Variants in SPECC1 observed in about 807,000 individuals in gnomAD.
The protein encoded by SPECC1 is cytospin-B.
Under a neutral mutation model 104.1 loss-of-function variants are expected in SPECC1, and 62 were observed. The ratio of observed to expected loss-of-function variants is 0.60; its 90% CI spans 0.49 to 0.74. SPECC1 has a LOEUF of 0.74. Among genes scored for constraint, SPECC1 ranks in the 30% least tolerant of loss-of-function variants. SPECC1 has a pLI of 0.00. For missense variants in SPECC1, 1,306 were observed against 1,310.5 expected, an observed-to-expected ratio of 1.00 and a Z score of 0.05; for synonymous variants, 513 against 501.6, an observed-to-expected ratio of 1.02 and a Z score of -0.30.
chr17:20,318,575 C>T lies in SPECC1; in HGVS notation c.*4510C>T, dbSNP rs562648212. 32 of 229,406 alleles carry T rather than the reference C, an allele frequency of 1.4e-4. No homozygotes were observed. Among genetic ancestry groups the T allele is most frequent in the Non-Finnish European group, 2.4e-4 (28 of 115,750 alleles). 14.2% of individuals were successfully genotyped at this position (229,406 alleles called of 1,614,324 possible). ...CCTCCTCTTCCCCACTGAGGGGCAG[C>T]TTGTGGAGATGGAGGACTCGGGCCC... On this transcript the variant is annotated 3_prime_UTR_variant, in exon 15 of 15. Transcript: ENST00000395527.
chr17:20,021,548 G>T (rs2044374028), intron 1 of SPECC1, among the ~76,000 whole-genome samples: 2 of 151,736 alleles, frequency 1.3e-5, no homozygotes, highest in Admixed American at 1.3e-4. Flanking sequence ...GAGTAGGACT[G>T]CCTGGTCGTG....
At chr17:20,175,310 G>A (rs947491187) in intron 3 of SPECC1, among the ~76,000 whole-genome samples, 1 of 152,166 alleles carries the variant, frequency 6.6e-6, no homozygotes, top group African/African-American at 2.4e-5. Flanking sequence ...TCATCTAAGC[G>A]TGAATACCAT....
intron 3 of SPECC1, among the ~76,000 whole-genome samples, chr17:20,157,136 C>G (rs1442649073): frequency 6.6e-6 from 1 of 152,174 alleles, no homozygotes; most frequent in African/African-American, 2.4e-5. Flanking sequence ...TTTTCCGGAG[C>G]TGGGTGCCGT....
Position 20,103,440 on chromosome 17 carries a change from C to T in SPECC1, c.147+6642C>T, listed in dbSNP as rs537347536. Among the ~76,000 whole-genome samples the T allele has an allele frequency of 4.6e-5, 7 of 152,286 alleles. No individual in the cohort carries two copies. In the South Asian group the frequency reaches 8.3e-4, roughly 18 times the overall value. On this transcript the variant is annotated intron_variant, in intron 2 of 14. Transcript: ENST00000395527. The stretch of plus-strand genomic sequence containing the variant: ...CTCCTGATTCACTTTGACATTCATG[C>T]CATATGCACAGCATACAGATCTTCT...
chr17:20,229,773 T>C lies in SPECC1; in HGVS notation c.2072-1985T>C, dbSNP rs1320332463. On this transcript the variant is annotated intron_variant, in intron 5 of 14. Coordinates refer to ENST00000395527, the MANE Select transcript of SPECC1 (RefSeq NM_001243439.2). ...ATGTATATAAGGCTGCCCTGAGACATGCTAAAGCGATGTGCTAAAGCAGCC... is the reference window on the plus strand; with the variant it reads ...ATGTATATAAGGCTGCCCTGAGACACGCTAAAGCGATGTGCTAAAGCAGCC... Among the ~76,000 whole-genome samples the C allele has an allele frequency of 2.0e-5, 3 of 152,236 alleles. No homozygotes were observed. The South Asian group carries it at 6.2e-4, about 32-fold the overall frequency.
At chr17:20,029,834 A>G (rs2044738533) in intron 1 of SPECC1, among the ~76,000 whole-genome samples, 1 of 152,026 alleles carries the variant, frequency 6.6e-6, no homozygotes. Context: ...AACTTGGTTG[A>G]TCTTTTCAAA....
At chr17:20,159,059 G>A (rs960621666) in intron 3 of SPECC1, among the ~76,000 whole-genome samples, 2 of 151,784 alleles carry the variant, frequency 1.3e-5, no homozygotes, top group East Asian at 3.9e-4. Flanking sequence ...CTGGGTTAAA[G>A]CGATCCTCCC....
At chr17:20,283,195 C>T (rs2040832552) in intron 12 of SPECC1, among the ~76,000 whole-genome samples, 1 of 152,038 alleles carries the variant, frequency 6.6e-6, no homozygotes, top group African/African-American at 2.4e-5. Flanking sequence ...GAAAAACAAA[C>T]AAACAAAAAA....
At chr17:20,311,387 TTTG>T (rs1567626858) in intron 14 of SPECC1, among the ~76,000 whole-genome samples, 1 of 145,652 alleles carries the variant, frequency 6.9e-6, no homozygotes, top group Non-Finnish European at 1.5e-5. Context: ...TTTTTTTGTT[TTTG>T]TTTTTGTTTT....
rs2703805 is a variant in SPECC1 at position 20,204,460 on chromosome 17, T to C, written c.411T>C (p.Ser137=). 690,862 of 1,613,670 alleles carry C rather than the reference T, an allele frequency of 0.43. 154,207 individuals carry two copies. Among genetic ancestry groups the C allele is most frequent in the East Asian group, 0.78 (34,944 of 44,856 alleles). The change falls in exon 4 of 15, where the codon TCT becomes TCC. Residue 137 remains serine, a synonymous_variant. Coordinates refer to ENST00000395527, the MANE Select transcript of SPECC1 (RefSeq NM_001243439.2). Reference sequence around the variant, plus strand: ...GGAAATCAGTGTCCAGTCCAACTTCTTCCAACACTCCCACTCCTACGAAAC... The same window carrying C: ...GGAAATCAGTGTCCAGTCCAACTTCCTCCAACACTCCCACTCCTACGAAAC... The part of the protein sequence containing the change: ...NPRKSVSSPT[S]SNTPTPTKHL...
rs375147469 is a variant in SPECC1 at position 20,034,605 on chromosome 17, CTT to C, written c.-22+25197_-22+25198del. On this transcript the variant is annotated intron_variant, in intron 1 of 14. Transcript: ENST00000395527. ...ACATCCCAAAGATTTTCTATTTTTCCTTTTTTTTTTTTTTTTTGAGTTGGAGT... is the reference window on the plus strand; with the variant it reads ...ACATCCCAAAGATTTTCTATTTTTCCTTTTTTTTTTTTTTTGAGTTGGAGT... Among the ~76,000 whole-genome samples, 637 of 132,342 alleles carry C rather than the reference CTT, an allele frequency of 4.8e-3. 10 individuals carry two copies. In the East Asian group the frequency reaches 0.06, roughly 12 times the overall value. The allele number at this position is 132,342 out of a possible 152,430, so 86.8% of individuals were successfully genotyped here. A position where few individuals can be genotyped will look rare whatever the true frequency, so the allele number is the denominator to read the frequency against.
intron 3 of SPECC1, among the ~76,000 whole-genome samples, chr17:20,123,447 C>G (rs2049135459): frequency 6.6e-6 from 1 of 152,288 alleles, no homozygotes; most frequent in East Asian, 1.9e-4. Flanking sequence ...TACCTGGACC[C>G]CTGCATGCTC....
chr17:20,279,309 CTTTTTTTTTTTTTCTTT>C (rs1453607026), intron 12 of SPECC1, among the ~76,000 whole-genome samples: 1 of 131,866 alleles, frequency 7.6e-6, no homozygotes, highest in Non-Finnish European at 1.6e-5. Flanking sequence ...ACTTTTCTTT[CTTTTTTTTTTTTTCTTT>C]TTTTTTTTTT....
At chr17:20,037,458 C>CT (rs1244478857) in intron 1 of SPECC1, among the ~76,000 whole-genome samples, 3 of 150,586 alleles carry the variant, frequency 2.0e-5, no homozygotes, top group South Asian at 2.1e-4. Flanking sequence ...GCCCAGTTTT[C>CT]TTTTTTTATA....
At chr17:20,223,904 G>C (rs1271128181) in intron 4 of SPECC1, among the ~76,000 whole-genome samples, 1 of 152,184 alleles carries the variant, frequency 6.6e-6, no homozygotes, top group Non-Finnish European at 1.5e-5. Context: ...GATGTTCATA[G>C]ATGTCTGGGC....
chr17:20,197,647 G>A (rs2036126227), intron 3 of SPECC1, among the ~76,000 whole-genome samples: 1 of 152,196 alleles, frequency 6.6e-6, no homozygotes, highest in South Asian at 2.1e-4. Context: ...CAAAAGTACT[G>A]CCACATGGTT....
At chr17:20,244,579 T>G (rs1262351180) in intron 7 of SPECC1, among the ~76,000 whole-genome samples, 2 of 152,166 alleles carry the variant, frequency 1.3e-5, no homozygotes, top group Non-Finnish European at 2.9e-5. Flanking sequence ...TCTCTTAAAT[T>G]TATTCTATTC....
At chr17:20,136,939 T>C (rs2030060311) in intron 3 of SPECC1, among the ~76,000 whole-genome samples, 1 of 152,206 alleles carries the variant, frequency 6.6e-6, no homozygotes, top group Non-Finnish European at 1.5e-5. Context: ...GGACTTTAGT[T>C]TCCTCCCACT....
chr17:20,209,490 G>A (rs2036996666), intron 4 of SPECC1, among the ~76,000 whole-genome samples: 1 of 152,162 alleles, frequency 6.6e-6, no homozygotes, highest in African/African-American at 2.4e-5. Flanking sequence ...TAGGAGGTAG[G>A]TGTCTTCCTC....
Sources: allele counts gnomAD v4.1 joint callset (sites outside exome capture counted in the v4.1 genomes callset), GRCh38; gene constraint gnomAD v4.1.1; transcripts MANE v1.5; gene names NCBI Gene and HGNC (gene_info 2026-07-23, HGNC 2026-07-21).